The following EDNRB variants were observed in gnomAD, a reference collection of about 807,000 sequenced individuals.
EDNRB encodes endothelin receptor type B, also known as Hirschsprung disease 2.
Under a neutral mutation model 46.4 loss-of-function variants are expected in EDNRB, and 18 were observed. The ratio of observed to expected loss-of-function variants is 0.39; its 90% confidence interval spans 0.27 to 0.57. EDNRB has a LOEUF of 0.57. EDNRB is among the 20% of genes least tolerant of loss of function. The pLI, the probability that EDNRB is intolerant of heterozygous loss-of-function variation, is 0.61. For synonymous variants in EDNRB, 213 were observed against 204.9 expected (o/e 1.04, Z -0.34); for missense variants, 434 against 537.5 (o/e 0.81, Z 1.90).
chr13:77,940,697 TTGGGTGTGTGTGTGTG>T (rs1332242590), intron 1 of EDNRB, among the ~76,000 whole-genome samples: 2 of 136,606 alleles, frequency 1.5e-5, no homozygotes, highest in South Asian at 2.3e-4. Context: ...AAAAGATGAA[TTGGGTGTGTGTGTGTG>T]TGTGTGTGTG....
chr13:77,898,275 C>T lies in EDNRB; in HGVS notation c.1254G>A (p.Gln418=), dbSNP rs1456423592. 6.2e-7 allele frequency: 1 copy of T among 1,612,178 alleles called. No individual in the cohort carries two copies. Among genetic ancestry groups the T allele is most frequent in the South Asian group, 1.1e-5 (1 of 91,040 alleles). Residue 418 remains glutamine (Q), a synonymous_variant, in exon 7 of 7, where the codon CAG becomes CAA. Transcript: ENST00000646607. The stretch of plus-strand genomic sequence containing the variant: ...CATTAGCTTTGAACTTTAAGCACGA[C>T]TGCTTTTCCTCCAAGGACTGTTTTT... ...FEEKQSLEEK[Q]SCLKFKANDH...
In EDNRB at chr13:77,967,283, CTAAA is replaced by C. The variant is rs549348139; in HGVS notation, c.-52+8060_-52+8063del. Among the ~76,000 whole-genome samples, 11 of 152,230 alleles carry C rather than the reference CTAAA, an allele frequency of 7.2e-5. No individual in the cohort carries two copies. The South Asian group carries it at 1.9e-3, about 26-fold the overall frequency. ...TCTTCTTTAATCTCTTCTATAGAGG[CTAAA>C]TAAACATCTTTTGCAGCCAGGAGTG... On this transcript the variant is annotated intron_variant, in intron 1 of 7. Transcript: ENST00000646948.
At chr13:77,900,263 G>T (rs947274180) in intron 5 of EDNRB, among the ~76,000 whole-genome samples, 1 of 151,800 alleles carries the variant, frequency 6.6e-6, no homozygotes, top group African/African-American at 2.4e-5. Flanking sequence ...TAGAAAACGC[G>T]TTGGAGAATC....
At chr13:77,963,922 A>G (rs896289079) in intron 1 of EDNRB, among the ~76,000 whole-genome samples, 59 of 152,354 alleles carry the variant, frequency 3.9e-4, no homozygotes, top group African/African-American at 1.4e-3. Context: ...ACAAATTTAC[A>G]AGAAAAAAAC....
At chr13:77,898,802 A>G (rs1259680446) in intron 6 of EDNRB, among the ~76,000 whole-genome samples, 2 of 152,030 alleles carry the variant, frequency 1.3e-5, no homozygotes, top group East Asian at 3.9e-4. Context: ...ACCTCATCCC[A>G]AGTTATTCTA....
At chr13:77,971,583 GTTT>G (rs34484665) in intron 1 of EDNRB, among the ~76,000 whole-genome samples, 6 of 137,444 alleles carry the variant, frequency 4.4e-5, no homozygotes, top group Admixed American at 7.2e-5. Context: ...GCCAACATGA[GTTT>G]TTTTTTTTTT....
At chr13:77,964,297 T>C (rs1881515907) in intron 1 of EDNRB, among the ~76,000 whole-genome samples, 2 of 152,244 alleles carry the variant, frequency 1.3e-5, no homozygotes, top group African/African-American at 2.4e-5. Flanking sequence ...TTATAAATCA[T>C]GCTGCTATAA....
At chr13:77,957,214 G>A (rs1881265769) in intron 1 of EDNRB, among the ~76,000 whole-genome samples, 1 of 152,084 alleles carries the variant, frequency 6.6e-6, no homozygotes. Context: ...TGTTTTCTTA[G>A]AACTCCATTT....
intron 1 of EDNRB, among the ~76,000 whole-genome samples, chr13:77,950,552 G>T: frequency 6.6e-6 from 1 of 152,230 alleles, no homozygotes; most frequent in East Asian, 1.9e-4. Context: ...TTGCATTAAA[G>T]AATCACCTAG....
chr13:77,915,795 A>G lies in EDNRB; in HGVS notation c.483+2296T>C, dbSNP rs887655718. On this transcript the variant is annotated intron_variant, in intron 1 of 6. Coordinates refer to ENST00000646607, the MANE Select transcript of EDNRB (RefSeq NM_001122659.3). ...TGATGAATGTGTTTGTGACCCATGT[A>G]GATTAATGGATGGACAGATTTATAA... 9.2e-5 allele frequency among the ~76,000 whole-genome samples: 14 copies of G among 152,244 alleles called. 1 individual carries two copies. The highest frequency in any genetic ancestry group is 2.6e-4 in the Admixed American group (4 of 15,290).
chr13:77,898,590 T>C (rs1198744659), intron 6 of EDNRB, among the ~76,000 whole-genome samples: 3 of 152,060 alleles, frequency 2.0e-5, no homozygotes, highest in Non-Finnish European at 4.4e-5. Flanking sequence ...TTTTAATTGA[T>C]ATTTACTCTT....
chr13:77,954,804 G>C, intron 1 of EDNRB, among the ~76,000 whole-genome samples: 1 of 152,122 alleles, frequency 6.6e-6, no homozygotes, highest in Admixed American at 6.6e-5. Flanking sequence ...AACATGCCCA[G>C]CCAGGATTTT....
intron 1 of EDNRB, among the ~76,000 whole-genome samples, chr13:77,927,713 A>G (rs993862857): frequency 2.0e-5 from 3 of 152,214 alleles, no homozygotes; most frequent in African/African-American, 4.8e-5. Context: ...TAATCTAGAT[A>G]TTCACAAGGA....
chr13:77,956,848 G>A (rs955615110), intron 1 of EDNRB, among the ~76,000 whole-genome samples: 1 of 152,152 alleles, frequency 6.6e-6, no homozygotes, highest in East Asian at 1.9e-4. Context: ...CTATGACATT[G>A]TCTTCTGCCT....
chr13:77,911,761 C>T (rs1879583132), intron 1 of EDNRB, among the ~76,000 whole-genome samples: 1 of 151,960 alleles, frequency 6.6e-6, no homozygotes, highest in African/African-American at 2.4e-5. Flanking sequence ...GGATAAATAA[C>T]TCTCTAAAAT....
At chr13:77,916,831 TTGCTGC>T (rs146176595) in intron 1 of EDNRB, among the ~76,000 whole-genome samples, 3 of 152,176 alleles carry the variant, frequency 2.0e-5, no homozygotes, top group East Asian at 3.9e-4. Flanking sequence ...CAACTTTCTA[TTGCTGC>T]TGCTGCTGCT....
Position 77,936,258 on chromosome 13 carries a change from A to T in EDNRB, c.-51-17634T>A, listed in dbSNP as rs1159666298. ...CAATGAGGTGTGGCTGTAGCCCAGGAATAGTCAGGGAAGCAGATAATTTAA... is the reference window on the plus strand; with the variant it reads ...CAATGAGGTGTGGCTGTAGCCCAGGTATAGTCAGGGAAGCAGATAATTTAA... On this transcript the variant is annotated intron_variant, in intron 1 of 7. Coordinates refer to the EDNRB transcript ENST00000646948. 3.9e-5 allele frequency among the ~76,000 whole-genome samples: 6 copies of T among 152,106 alleles called. No individual in the cohort carries two copies. In the East Asian group the frequency reaches 1.2e-3, roughly 29 times the overall value.
At chr13:77,915,121 G>A (rs1879745816) in intron 1 of EDNRB, among the ~76,000 whole-genome samples, 1 of 151,976 alleles carries the variant, frequency 6.6e-6, no homozygotes, top group Non-Finnish European at 1.5e-5. Flanking sequence ...TTTTCTGAAT[G>A]ATCATACCTG....
At chr13:77,904,541 G>A (rs1879174124) in intron 1 of EDNRB, among the ~76,000 whole-genome samples, 1 of 151,858 alleles carries the variant, frequency 6.6e-6, no homozygotes, top group African/African-American at 2.4e-5. Flanking sequence ...GTGACTGGCT[G>A]TATAAGGAGC....
Sources: allele counts gnomAD v4.1 joint callset (sites outside exome capture counted in the v4.1 genomes callset), GRCh38; gene constraint gnomAD v4.1.1; transcripts MANE v1.5; gene names NCBI Gene and HGNC (gene_info 2026-07-23, HGNC 2026-07-21).